GABRB3: variants seen among roughly 807,000 people sequenced by gnomAD.
GABRB3 encodes the protein gamma-aminobutyric acid receptor subunit beta-3.
Under a neutral mutation model 52.1 loss-of-function variants are expected in GABRB3, and 14 were observed. The ratio of observed to expected loss-of-function variants is 0.27; its 90% CI spans 0.18 to 0.42. The LOEUF is 0.42. Ranked by LOEUF, GABRB3 falls within the 10% of genes least tolerant of loss-of-function variation. The pLI is 1.00. For missense variants in GABRB3, 307 were observed against 609.1 expected (o/e 0.50, Z 5.22); for synonymous variants, 260 against 232.3 (o/e 1.12, Z -1.08).
intron 4 of GABRB3, chr15:26,612,618 A>G (rs1892112007): frequency 1.3e-5 from 2 of 152,230 alleles, no homozygotes; most frequent in African/African-American, 4.8e-5. Flanking sequence ...ATAAACAAAG[A>G]CATGAATGAG....
In GABRB3 at chr15:26,546,939, A is replaced by G. The variant is rs1316252502; in HGVS notation, c.*854T>C. 6.6e-6 allele frequency: 1 copy of G among 151,796 alleles called. No individual in the cohort carries two copies. Among genetic ancestry groups the G allele is most frequent in the Non-Finnish European group, 1.5e-5 (1 of 67,974 alleles). The allele number at this position is 151,796 out of a possible 1,614,324, so 9.4% of individuals were successfully genotyped here. A position where few individuals can be genotyped will look rare whatever the true frequency, so the allele number is the denominator to read the frequency against. On this transcript the variant is annotated 3_prime_UTR_variant, in exon 9 of 9. Transcript: ENST00000311550. The stretch of plus-strand genomic sequence containing the variant: ...GCCTAGAAATCCATACGAGATGTAG[A>G]GCACATTTTCAGTGATTGAAATGTC...
intron 8 of GABRB3, among the ~76,000 whole-genome samples, chr15:26,554,195 A>AAGAG (rs1567097931): frequency 2.8e-5 from 2 of 71,192 alleles, no homozygotes; most frequent in Admixed American, 1.9e-4. Context: ...TATATACTAT[A>AAGAG]TATATATATA....
At chr15:26,744,551 G>A (rs1168143288) in intron 3 of GABRB3, among the ~76,000 whole-genome samples, 1 of 151,822 alleles carries the variant, frequency 6.6e-6, no homozygotes, top group Non-Finnish European at 1.5e-5. Flanking sequence ...TCAGCTTCCC[G>A]AGTACCTGGG....
intron 7 of GABRB3, among the ~76,000 whole-genome samples, chr15:26,561,446 G>A (rs1053567122): frequency 1.7e-5 from 2 of 120,702 alleles, no homozygotes; most frequent in African/African-American, 6.6e-5. Flanking sequence ...ACTACACCTT[G>A]CTATCACACA....
rs549662862 is a variant in GABRB3, at chr15:26,603,598, G to C, written c.461+17716C>G. On this transcript the variant is annotated intron_variant, in intron 4 of 8. Transcript: ENST00000311550. ...TCAAGACCAAATGGTATTTATTCCA[G>C]AGATGCAAGGATGGTTCAACATATG... is the stretch of plus-strand genomic sequence containing the variant. 3.9e-4 allele frequency among the ~76,000 whole-genome samples: 59 copies of C among 152,170 alleles called. 1 individual carries two copies. In the South Asian group the frequency reaches 0.012, roughly 30 times the overall value.
intron 3 of GABRB3, among the ~76,000 whole-genome samples, chr15:26,638,904 G>C (rs571696305): frequency 6.6e-6 from 1 of 152,132 alleles, no homozygotes; most frequent in African/African-American, 2.4e-5. Flanking sequence ...ACCACGCTCC[G>C]CCGGGAACTA....
chr15:26,625,366 A>G (rs1356952703), intron 3 of GABRB3: 2 of 526,680 alleles, frequency 3.8e-6, no homozygotes. Flanking sequence ...TATAGAAAGA[A>G]GCTTTGTAAA....
At chr15:26,642,066 G>A (rs1176816622) in intron 3 of GABRB3, among the ~76,000 whole-genome samples, 1 of 151,930 alleles carries the variant, frequency 6.6e-6, no homozygotes, top group Non-Finnish European at 1.5e-5. Context: ...ATTTGTTAAA[G>A]AATTTTTTGC....
chr15:26,554,818 A>G (rs573896510), intron 8 of GABRB3, among the ~76,000 whole-genome samples: 4 of 152,332 alleles, frequency 2.6e-5, no homozygotes, highest in African/African-American at 9.6e-5. Context: ...GAGAACAGAA[A>G]TAAAACCAAC....
chr15:26,759,261 A>T (rs78841970), intron 3 of GABRB3, among the ~76,000 whole-genome samples: 2,582 of 152,254 alleles, frequency 0.017, 82 homozygotes, highest in African/African-American at 0.059. Flanking sequence ...ATAGCAAAAA[A>T]AAATTTTTTT....
At chr15:26,608,203 A>G (rs550589459) in intron 4 of GABRB3, among the ~76,000 whole-genome samples, 1 of 152,236 alleles carries the variant, frequency 6.6e-6, no homozygotes, top group Admixed American at 6.5e-5. Flanking sequence ...AGAATATGCA[A>G]TGGGAAAAGA....
At chr15:26,579,238 C>G (rs556632540) in intron 6 of GABRB3, among the ~76,000 whole-genome samples, 7 of 152,314 alleles carry the variant, frequency 4.6e-5, no homozygotes, top group African/African-American at 1.7e-4. Flanking sequence ...CAGGTCCCTC[C>G]TCAGGGAGGT....
At chr15:26,732,571 ATT>A (rs141533099) in intron 3 of GABRB3, among the ~76,000 whole-genome samples, 329 of 147,856 alleles carry the variant, frequency 2.2e-3, no homozygotes, top group South Asian at 3.2e-3. Context: ...TCCCAAAAAA[ATT>A]TTTTTTTTTT....
chr15:26,589,707 C>T (rs1404669712), intron 4 of GABRB3, among the ~76,000 whole-genome samples: 3 of 152,118 alleles, frequency 2.0e-5, no homozygotes, highest in Non-Finnish European at 2.9e-5. Flanking sequence ...CCCTCACTCA[C>T]CCCCAGGTGA....
At position 26,598,467 on chromosome 15, in the gene GABRB3, A is replaced by G. The variant is rs535572666; in HGVS notation, c.462-15053T>C. 2.6e-5 allele frequency among the ~76,000 whole-genome samples: 4 copies of G among 152,260 alleles called. No homozygotes were observed. The South Asian group carries it at 8.3e-4, about 32-fold the overall frequency. On this transcript the variant is annotated intron_variant, in intron 4 of 8. Coordinates refer to ENST00000311550, the MANE Select transcript of GABRB3 (RefSeq NM_000814.6). ...ATAGCCACTGTCTACAGACCGGAAC[A>G]TCCTTTTGAAAATTTCAATATTGAA...
intron 3 of GABRB3, among the ~76,000 whole-genome samples, chr15:26,674,060 C>G (rs921040635): frequency 6.6e-6 from 1 of 151,178 alleles, no homozygotes; most frequent in African/African-American, 2.4e-5. Flanking sequence ...CATATTTAAC[C>G]CCCCCCTTTT....
At chr15:26,745,516 G>A (rs1890314794) in intron 3 of GABRB3, among the ~76,000 whole-genome samples, 1 of 152,056 alleles carries the variant, frequency 6.6e-6, no homozygotes. Context: ...AACAGCTATA[G>A]GTCTATGCAA....
At chr15:26,583,641 TTA>T (rs1890868315) in intron 4 of GABRB3, among the ~76,000 whole-genome samples, 1 of 152,096 alleles carries the variant, frequency 6.6e-6, no homozygotes, top group Non-Finnish European at 1.5e-5. Flanking sequence ...CTTTATTTTA[TTA>T]TATATTTTTA....
At chr15:26,578,966 G>A (rs576533252) in intron 6 of GABRB3, among the ~76,000 whole-genome samples, 6 of 152,208 alleles carry the variant, frequency 3.9e-5, no homozygotes, top group Non-Finnish European at 8.8e-5. Flanking sequence ...GGAGAATGCA[G>A]GGACATCTGC....
Sources: allele counts gnomAD v4.1 joint callset (sites outside exome capture counted in the v4.1 genomes callset), GRCh38; gene constraint gnomAD v4.1.1; transcripts MANE v1.5; gene names NCBI Gene and HGNC (gene_info 2026-07-23, HGNC 2026-07-21).